SNX14: variants seen among roughly 807,000 people sequenced by gnomAD.
SNX14 encodes the protein sorting nexin-14.
Under a neutral mutation model 133.8 loss-of-function variants are expected in SNX14, and 93 were observed. That is an observed-to-expected ratio of 0.70 (90% confidence interval 0.59 to 0.83). The LOEUF (loss-of-function observed/expected upper bound fraction) is 0.83. SNX14 is among the 40% of genes least tolerant of loss of function. SNX14 has a pLI of 0.00. For synonymous variants in SNX14, 368 were observed against 365.6 expected, an observed-to-expected ratio of 1.01 and a Z score of -0.07; for missense variants, 945 against 1,094.9, an observed-to-expected ratio of 0.86 and a Z score of 1.93.
intron 1 of SNX14, among the ~76,000 whole-genome samples, chr6:85,577,403 C>T (rs144123708): frequency 6.2e-4 from 94 of 151,810 alleles, no homozygotes; most frequent in African/African-American, 2.1e-3. Context: ...GGTGACAGAG[C>T]GAGACTCCGT....
At chr6:85,573,899 A>C (rs1267198379) in intron 2 of SNX14, among the ~76,000 whole-genome samples, 1 of 152,202 alleles carries the variant, frequency 6.6e-6, no homozygotes, top group Non-Finnish European at 1.5e-5. Flanking sequence ...AGGACACCCT[A>C]AAATTGTGGA....
intron 15 of SNX14, among the ~76,000 whole-genome samples, chr6:85,539,262 G>T (rs1282519870): frequency 6.6e-6 from 1 of 152,046 alleles, no homozygotes; most frequent in Non-Finnish European, 1.5e-5. Context: ...TTTCTTTCAT[G>T]CAGTGGAAAG....
At chr6:85,543,579 A>C (rs1784496063) in intron 13 of SNX14, 26 bp downstream of exon 13, 1 of 1,534,420 alleles carries the variant, frequency 6.5e-7, no homozygotes, top group African/African-American at 1.4e-5. Flanking sequence ...GTGCTAAATA[A>C]GTCATTCTTA....
At chr6:85,507,122 A>G in intron 28 of SNX14, 111 bp downstream of exon 28, 5 of 981,928 alleles carry the variant, frequency 5.1e-6, no homozygotes, top group Non-Finnish European at 7.7e-6. Flanking sequence ...AATTTTTTAA[A>G]GAACCACAGA....
rs1416823704 is a variant in SNX14 at position 85,593,748 on chromosome 6, A to G, written c.-30T>C. 1 of 1,612,552 alleles carries G rather than the reference A, an allele frequency of 6.2e-7. No homozygotes were observed. Among genetic ancestry groups the G allele is most frequent in the Non-Finnish European group, 8.5e-7 (1 of 1,179,838 alleles). The stretch of plus-strand genomic sequence containing the variant: ...GTAACGGCGAGGCCGAGACTGCGCT[A>G]CTGGCTGAGGCAGAGGTCAAGGCGA... On this transcript the variant is annotated 5_prime_UTR_variant, in exon 1 of 29. The change abolishes the stop of an existing upstream ORF in the 5' untranslated region. Coordinates refer to ENST00000314673, the MANE Select transcript of SNX14 (RefSeq NM_153816.6).
At chr6:85,517,560 C>T in intron 23 of SNX14, 196 bp downstream of exon 23, 1 of 464,778 alleles carries the variant, frequency 2.2e-6, no homozygotes, top group Non-Finnish European at 3.4e-6. Flanking sequence ...TCCAGAGAAA[C>T]ATTTACCACA....
At chr6:85,555,366 C>T (rs1370666086) in intron 7 of SNX14, among the ~76,000 whole-genome samples, 6 of 152,004 alleles carry the variant, frequency 3.9e-5, no homozygotes, top group African/African-American at 9.7e-5. Flanking sequence ...AAACAAAGTG[C>T]GGTATATCCG....
Position 85,538,841 on chromosome 6 carries a change from A to T in SNX14, c.1472T>A (p.Phe491Tyr). 7 of 1,599,642 alleles carry T rather than the reference A, an allele frequency of 4.4e-6. No individual in the cohort carries two copies. Among genetic ancestry groups the T allele is most frequent in the Non-Finnish European group, 6.0e-6 (7 of 1,174,706 alleles). ...LNRGSLSLDD[F>Y]RNTQKRGESF... is the part of the protein sequence containing the mutation. ...GAATCACATGCTCAAGACTTACCGA[A>T]AATCATCCAAACTTAGGCTACCTCT... The change falls in exon 16 of 29, where the codon TTT (phenylalanine) becomes TAT (tyrosine). Residue 491 changes from phenylalanine to tyrosine, a missense_variant. Coordinates refer to ENST00000314673, the MANE Select transcript of SNX14 (RefSeq NM_153816.6).
At chr6:85,582,389 A>G (rs1799306480) in intron 1 of SNX14, among the ~76,000 whole-genome samples, 1 of 152,134 alleles carries the variant, frequency 6.6e-6, no homozygotes. Flanking sequence ...AAGAAAAAGG[A>G]AAAACCCTAT....
In SNX14 at chr6:85,526,106, G is replaced by A. The variant is rs1456421898; in HGVS notation, c.2107+20C>T. On this transcript the variant is annotated intron_variant, in intron 21 of 28. Transcript: ENST00000314673. ...TCTTTTCAGCTTATTATCTTATAAT[G>A]ATTCTTTAAATTGACTTACCAAGAT... is the stretch of plus-strand genomic sequence containing the variant. The A allele has an allele frequency of 7.1e-7, 1 of 1,417,850 alleles. No homozygotes were observed. Among genetic ancestry groups the A allele is most frequent in the African/African-American group, 1.4e-5 (1 of 69,672 alleles). The allele number at this position is 1,417,850 out of a possible 1,614,324, so 87.8% of individuals were successfully genotyped here. A position where few individuals can be genotyped will look rare whatever the true frequency, so the allele number is the denominator to read the frequency against.
rs1490191445 is a variant in SNX14 at position 85,542,020 on chromosome 6, A to G, written c.1413T>C (p.Gly471=). The change falls in exon 15 of 29, where the codon GGT becomes GGC. Residue 471 remains glycine (G), a synonymous_variant. Transcript: ENST00000314673. ...SDEYFRQLLR[G]AESPTRNSKL... is the part of the protein sequence containing the mutation. ...TTGAATTGCGTGTTGGTGATTCTGC[A>G]CCTCTTAAAAGTTGTCTGAAATACT... The G allele has an allele frequency of 6.3e-7, 1 of 1,590,882 alleles. No individual in the cohort carries two copies. The highest frequency in any genetic ancestry group is 1.8e-5 in the Admixed American group (1 of 56,396).
chr6:85,546,966 A>C (rs1397135265), intron 12 of SNX14, 146 bp downstream of exon 12: 1 of 113,230 alleles, frequency 8.8e-6, no homozygotes, highest in Non-Finnish European at 1.6e-5. Context: ...CGCCTCAAAC[A>C]AAAAAAAAAA....
intron 18 of SNX14, among the ~76,000 whole-genome samples, chr6:85,532,708 T>A (rs1282149816): frequency 6.6e-6 from 1 of 152,182 alleles, no homozygotes. Flanking sequence ...GACTATTTTA[T>A]TTTTTAATTT....
chr6:85,521,111 TAA>T (rs1183170017), intron 21 of SNX14, among the ~76,000 whole-genome samples: 4 of 152,246 alleles, frequency 2.6e-5, no homozygotes, highest in Admixed American at 6.5e-5. Flanking sequence ...ATCAGACTTT[TAA>T]AAACTTTGGT....
intron 5 of SNX14, among the ~76,000 whole-genome samples, chr6:85,566,451 A>T (rs1411943178): frequency 6.6e-6 from 1 of 151,936 alleles, no homozygotes; most frequent in Non-Finnish European, 1.5e-5. Context: ...TAATCCCAAC[A>T]CTTTGGGAGG....
rs140176719 is a variant in SNX14 at position 85,526,065 on chromosome 6, A to C, written c.2107+61T>G. On this transcript the variant is annotated intron_variant, in intron 21 of 28. Transcript: ENST00000314673. ...CTATACTATATATTTTTCTAAGTTA[A>C]TCTGAAAATGCTGATTCTTTTCAGC... 346 of 1,123,052 alleles carry C rather than the reference A, an allele frequency of 3.1e-4. 1 individual carries two copies. In the African/African-American group the frequency reaches 5.2e-3, roughly 17 times the overall value. 69.6% of individuals were successfully genotyped at this position (1,123,052 alleles called of 1,614,324 possible).
At chr6:85,579,331 C>T (rs1798338047) in intron 1 of SNX14, among the ~76,000 whole-genome samples, 1 of 152,012 alleles carries the variant, frequency 6.6e-6, no homozygotes, top group Non-Finnish European at 1.5e-5. Context: ...AACAAAAGAA[C>T]CATAAGGAGA....
At chr6:85,519,984 AT>A (rs1776302035) in intron 21 of SNX14, among the ~76,000 whole-genome samples, 1 of 152,114 alleles carries the variant, frequency 6.6e-6, no homozygotes, top group Non-Finnish European at 1.5e-5. Flanking sequence ...TGAATAAAAA[AT>A]AAAATATATT....
At chr6:85,529,831 T>C (rs1779671117) in intron 19 of SNX14, among the ~76,000 whole-genome samples, 1 of 151,914 alleles carries the variant, frequency 6.6e-6, no homozygotes, top group African/African-American at 2.4e-5. Flanking sequence ...CAAAAAAAAA[T>C]AGCTGGAAAT....
Sources: gnomAD v4.1 joint callset for allele counts (sites outside exome capture counted in the v4.1 genomes callset) on GRCh38, gnomAD v4.1.1 for gene constraint, MANE v1.5 for transcripts, NCBI Gene and HGNC (gene_info 2026-07-23, HGNC 2026-07-21) for gene names.